Variants in SELENOI observed in about 807,000 individuals in gnomAD.
The protein encoded by SELENOI is selenoprotein I, also known as ethanolaminephosphotransferase 1.
In SELENOI, 24 loss-of-function variants were observed where a neutral mutation model predicts 50.7. That is an observed-to-expected ratio of 0.47 (90% confidence interval 0.34 to 0.67). The LOEUF is 0.67. Among genes scored for constraint, SELENOI ranks in the 30% least tolerant of loss-of-function variants. SELENOI has a pLI of 0.01. For synonymous variants in SELENOI, 155 were observed against 170.2 expected, an observed-to-expected ratio of 0.91 and a Z score of 0.70; for missense variants, 352 against 461.4, an observed-to-expected ratio of 0.76 and a Z score of 2.17.
At position 26,350,869 on chromosome 2, in the gene SELENOI, A is replaced by G. The variant is rs182812615; in HGVS notation, c.57+4580A>G. ...GAGAGAGAGAGATGCTGCTCCATTT[A>G]TGATGGGTTTCTGTTCCTGATAGAC... On this transcript the variant is annotated intron_variant, in intron 1 of 9. Transcript: ENST00000260585. 5.6e-3 allele frequency among the ~76,000 whole-genome samples: 857 copies of G among 152,282 alleles called. 5 individuals carry two copies. The highest frequency in any genetic ancestry group is 0.013 in the Admixed American group (202 of 15,288).
chr2:26,375,332 T>A (rs538317641), intron 6 of SELENOI, among the ~76,000 whole-genome samples, 184 bp downstream of exon 6: 1 of 152,162 alleles, frequency 6.6e-6, no homozygotes, highest in South Asian at 2.1e-4. Flanking sequence ...GTTTTTGGGG[T>A]TTTTTTGTTC....
At chr2:26,371,801 G>A (rs1677457660) in intron 4 of SELENOI, among the ~76,000 whole-genome samples, 1 of 152,228 alleles carries the variant, frequency 6.6e-6, no homozygotes, top group Middle Eastern at 3.2e-3. Flanking sequence ...AGTGAGCCGA[G>A]ATGGCAGCAG....
chr2:26,389,460 C>CCTG lies in SELENOI; in HGVS notation c.*357_*358insCTG. 1 of 171,456 alleles carries CCTG rather than the reference C, an allele frequency of 5.8e-6. No individual in the cohort carries two copies. Among genetic ancestry groups the CCTG allele is most frequent in the African/African-American group, 2.4e-5 (1 of 42,164 alleles). 10.6% of individuals were successfully genotyped at this position (171,456 alleles called of 1,614,324 possible). On this transcript the variant is annotated 3_prime_UTR_variant, in exon 10 of 10. Transcript: ENST00000260585. ...AATTGGTTTCAGAACACTGATAACACTCAGAAAACCACAGTGTGTTTTCAT... is the reference window on the plus strand; with the variant it reads ...AATTGGTTTCAGAACACTGATAACACCTGTCAGAAAACCACAGTGTGTTTTCAT...
intron 1 of SELENOI, among the ~76,000 whole-genome samples, chr2:26,362,584 A>G (rs1275067085): frequency 2.0e-5 from 3 of 151,072 alleles, no homozygotes; most frequent in Non-Finnish European, 4.4e-5. Context: ...AACATGGTGA[A>G]ACCCCGTCTC....
chr2:26,374,885 T>G (rs1677533501), intron 5 of SELENOI, among the ~76,000 whole-genome samples, 155 bp from the exon 6 acceptor site: 1 of 152,206 alleles, frequency 6.6e-6, no homozygotes, highest in South Asian at 2.1e-4. Flanking sequence ...ATTGTATTTT[T>G]AAAGGTAAGA....
intron 3 of SELENOI, among the ~76,000 whole-genome samples, chr2:26,365,256 C>T (rs1328118131): frequency 6.6e-6 from 1 of 152,198 alleles, no homozygotes; most frequent in African/African-American, 2.4e-5. Context: ...GAAAAATCCC[C>T]TTTCTTCTGA....
intron 1 of SELENOI, 27 bp downstream of exon 1, chr2:26,346,316 T>C: frequency 6.3e-7 from 1 of 1,597,156 alleles, no homozygotes; most frequent in Non-Finnish European, 8.5e-7. Flanking sequence ...GATGCCCCTC[T>C]CCCTGCTCCC....
intron 1 of SELENOI, among the ~76,000 whole-genome samples, chr2:26,352,337 C>T (rs147779789): frequency 1.5e-3 from 235 of 152,122 alleles, no homozygotes; most frequent in African/African-American, 5.4e-3. Flanking sequence ...CTGCATAAAA[C>T]TAAGTTAAGA....
At chr2:26,380,022 C>T (rs1409457646) in intron 6 of SELENOI, among the ~76,000 whole-genome samples, 3 of 152,118 alleles carry the variant, frequency 2.0e-5, no homozygotes, top group Non-Finnish European at 2.9e-5. Context: ...AGGTGTGTCC[C>T]GTCAGTTTAC....
intron 4 of SELENOI, among the ~76,000 whole-genome samples, chr2:26,371,798 C>G (rs568034749): frequency 6.6e-6 from 1 of 152,226 alleles, no homozygotes; most frequent in East Asian, 1.9e-4. Flanking sequence ...TGCAGTGAGC[C>G]GAGATGGCAG....
intron 1 of SELENOI, among the ~76,000 whole-genome samples, chr2:26,363,521 T>G (rs1677225252): frequency 6.6e-6 from 1 of 152,154 alleles, no homozygotes; most frequent in Admixed American, 6.5e-5. Flanking sequence ...AACACCATAA[T>G]GTAAAAGCTG....
chr2:26,388,441 A>G (rs1030902595), intron 9 of SELENOI, among the ~76,000 whole-genome samples: 5 of 152,186 alleles, frequency 3.3e-5, no homozygotes, highest in African/African-American at 1.2e-4. Flanking sequence ...CACATCTACA[A>G]CTTCTGGCCA....
chr2:26,370,690 G>A (rs1420427064), intron 4 of SELENOI, among the ~76,000 whole-genome samples: 1 of 136,452 alleles, frequency 7.3e-6, no homozygotes, highest in Admixed American at 7.0e-5. Context: ...AGGGGCCACC[G>A]GGCAGAGGCG....
At chr2:26,359,473 A>T (rs1268564020) in intron 1 of SELENOI, among the ~76,000 whole-genome samples, 1 of 151,780 alleles carries the variant, frequency 6.6e-6, no homozygotes. Context: ...TGAAACCGCG[A>T]CTCTACTAAA....
rs1677755045 is a variant in SELENOI at position 26,383,554 on chromosome 2, T to A, written c.731+207T>A. On this transcript the variant is annotated intron_variant, in intron 7 of 9. Coordinates refer to ENST00000260585, the MANE Select transcript of SELENOI (RefSeq NM_033505.4). ...TCAAACACAGCACAAAACTACTAGT[T>A]CTTTTGTTACGGTTTTGGACTCATC... Among the ~76,000 whole-genome samples, 3 of 152,220 alleles carry A rather than the reference T, an allele frequency of 2.0e-5. No individual in the cohort carries two copies. In the South Asian group the frequency reaches 6.2e-4, roughly 32 times the overall value.
intron 4 of SELENOI, among the ~76,000 whole-genome samples, chr2:26,371,063 C>T (rs1462916129): frequency 6.9e-5 from 10 of 144,098 alleles, no homozygotes; most frequent in East Asian, 2.2e-4. Context: ...CGGGCAGAGG[C>T]GCCCCTCACC....
At chr2:26,367,364 T>C in intron 4 of SELENOI, 144 bp downstream of exon 4, 1 of 669,548 alleles carries the variant, frequency 1.5e-6, no homozygotes. Flanking sequence ...AAATATGTTT[T>C]TGAGTTTCTT....
rs185938145 is a variant in SELENOI at position 26,357,865 on chromosome 2, G to A, written c.58-6437G>A. Among the ~76,000 whole-genome samples, 1,176 of 128,022 alleles carry A rather than the reference G, an allele frequency of 9.2e-3. 17 individuals are homozygous for A. The highest frequency in any genetic ancestry group is 0.027 in the African/African-American group (1,069 of 39,132). 84.0% of individuals were successfully genotyped at this position (128,022 alleles called of 152,430 possible). A position where few individuals can be genotyped will look rare whatever the true frequency, so the allele number is the denominator to read the frequency against. On this transcript the variant is annotated intron_variant, in intron 1 of 9. Coordinates refer to ENST00000260585, the MANE Select transcript of SELENOI (RefSeq NM_033505.4). ...GAATTGTAGCTCCCATAATTCCCAC[G>A]AATTGTGGGAGGGACCCATTCGGAG...
In SELENOI at chr2:26,381,198, C is replaced by CTTTTTTTTTTTTTTTTTTTTT. The variant is rs57102834; in HGVS notation, c.683-2090_683-2070dup. Among the ~76,000 whole-genome samples, 10 of 30,194 alleles carry CTTTTTTTTTTTTTTTTTTTTT rather than the reference C, an allele frequency of 3.3e-4. 1 individual carries two copies. Among genetic ancestry groups the CTTTTTTTTTTTTTTTTTTTTT allele is most frequent in the African/African-American group, 1.4e-3 (8 of 5,528 alleles). The allele number at this position is 30,194 out of a possible 152,430, so 19.8% of individuals were successfully genotyped here. A position where few individuals can be genotyped will look rare whatever the true frequency, so the allele number is the denominator to read the frequency against. On this transcript the variant is annotated intron_variant, in intron 6 of 9. Transcript: ENST00000260585. ...TGGATTGTATCTCCTTCAGTTTGGT[C>CTTTTTTTTTTTTTTTTTTTTT]TTTTTTTTTTTTTTTTTTTTTTTTT...
Sources: allele counts gnomAD v4.1 joint callset (sites outside exome capture counted in the v4.1 genomes callset), GRCh38; gene constraint gnomAD v4.1.1; transcripts MANE v1.5; gene names NCBI Gene and HGNC (gene_info 2026-07-23, HGNC 2026-07-21).